ARID5B: variants seen among roughly 807,000 people sequenced by gnomAD.
ARID5B encodes AT-rich interaction domain 5B.
ARID5B carries 13 observed loss-of-function variants against 97.2 expected under a neutral mutation model. The ratio of observed to expected loss-of-function variants is 0.13; its 90% CI spans 0.09 to 0.21. The LOEUF (loss-of-function observed/expected upper bound fraction) is 0.21. ARID5B is among the 10% of genes least tolerant of loss of function. ARID5B has a pLI of 1.00. For synonymous variants in ARID5B, 556 were observed against 570.3 expected (o/e 0.97, Z 0.36); for missense variants, 1,210 against 1,465.3 (o/e 0.83, Z 2.84).
intron 3 of ARID5B, among the ~76,000 whole-genome samples, chr10:61,943,867 AT>A (rs3841641): frequency 1.4e-3 from 211 of 149,106 alleles, no homozygotes; most frequent in African/African-American, 4.3e-3. Flanking sequence ...CAACTCTTTC[AT>A]TTTTTTTTTA....
At chr10:61,955,743 T>C (rs1001363402) in intron 3 of ARID5B, among the ~76,000 whole-genome samples, 2 of 152,182 alleles carry the variant, frequency 1.3e-5, no homozygotes, top group African/African-American at 4.8e-5. Flanking sequence ...CTCCGGCTCC[T>C]GGGTTCAAGT....
At chr10:61,932,409 T>C (rs959126180) in intron 2 of ARID5B, among the ~76,000 whole-genome samples, 19 of 149,948 alleles carry the variant, frequency 1.3e-4, no homozygotes, top group African/African-American at 4.7e-4. Flanking sequence ...TTCTTTTTCT[T>C]TTTCTTTTTT....
intron 2 of ARID5B, among the ~76,000 whole-genome samples, chr10:61,913,475 T>C (rs988135413): frequency 6.6e-6 from 1 of 152,190 alleles, no homozygotes; most frequent in African/African-American, 2.4e-5. Context: ...CAGAAAAATC[T>C]TGGGCATGTC....
At position 62,075,505 on chromosome 10, in the gene ARID5B, C is replaced by T. The variant is rs867426975; in HGVS notation, c.1199+5708C>T. On this transcript the variant is annotated intron_variant, in intron 8 of 9. Coordinates refer to ENST00000279873, the MANE Select transcript of ARID5B (RefSeq NM_032199.3). ...TCTTACTCTGCTCTACACACTCTTC[C>T]GTGTGCTGAGCAAAACACCCTCTGT... 5.9e-5 allele frequency among the ~76,000 whole-genome samples: 9 copies of T among 152,202 alleles called. No individual in the cohort carries two copies. The South Asian group carries it at 6.2e-4, about 10-fold the overall frequency.
chr10:62,027,643 C>CT (rs1839439858), intron 4 of ARID5B, among the ~76,000 whole-genome samples: 2 of 151,974 alleles, frequency 1.3e-5, no homozygotes, highest in South Asian at 4.2e-4. Flanking sequence ...TGGTCCTTCC[C>CT]TTGTGCTTTG....
chr10:62,037,677 G>T (rs1405317450), intron 4 of ARID5B, among the ~76,000 whole-genome samples: 1 of 152,132 alleles, frequency 6.6e-6, no homozygotes, highest in Non-Finnish European at 1.5e-5. Context: ...TTTTCTTAAA[G>T]CTAAACAAGG....
chr10:61,943,500 G>A (rs1844450096), intron 3 of ARID5B, among the ~76,000 whole-genome samples: 1 of 148,378 alleles, frequency 6.7e-6, no homozygotes, highest in South Asian at 2.1e-4. Flanking sequence ...GTGGAAGTAA[G>A]CAAAGAACGG....
chr10:62,075,223 G>A (rs1324314157), intron 8 of ARID5B, among the ~76,000 whole-genome samples: 1 of 152,252 alleles, frequency 6.6e-6, no homozygotes, highest in East Asian at 1.9e-4. Context: ...GTAGGTAGAT[G>A]CCGTCTGTGC....
chr10:62,052,074 T>C (rs10761601), intron 5 of ARID5B, among the ~76,000 whole-genome samples: 149,323 of 152,302 alleles, frequency 0.98, 73,273 homozygotes, highest in East Asian at 1. Context: ...TTAGGAAATT[T>C]TAAGGACTTT....
At chr10:62,023,690 C>T (rs1198213167) in intron 4 of ARID5B, among the ~76,000 whole-genome samples, 3 of 152,124 alleles carry the variant, frequency 2.0e-5, no homozygotes, top group Middle Eastern at 3.4e-3. Flanking sequence ...AGACAAGTAG[C>T]GATGTGATAT....
At chr10:62,036,453 T>G (rs1219531491) in intron 4 of ARID5B, among the ~76,000 whole-genome samples, 1 of 152,158 alleles carries the variant, frequency 6.6e-6, no homozygotes, top group African/African-American at 2.4e-5. Flanking sequence ...CCTGATGGCT[T>G]TGCAAGTGTT....
At chr10:62,059,998 C>G (rs1839902254) in intron 7 of ARID5B, among the ~76,000 whole-genome samples, 1 of 152,144 alleles carries the variant, frequency 6.6e-6, no homozygotes, top group Admixed American at 6.6e-5. Context: ...GAGATGACAT[C>G]TGTAATATAA....
intron 7 of ARID5B, among the ~76,000 whole-genome samples, chr10:62,068,876 G>C (rs1444423694): frequency 1.3e-5 from 2 of 152,070 alleles, no homozygotes; most frequent in Non-Finnish European, 2.9e-5. Context: ...TAAAATTAAA[G>C]GAAAAAATTA....
intron 3 of ARID5B, among the ~76,000 whole-genome samples, chr10:61,970,371 T>C (rs143790672): frequency 6.6e-6 from 1 of 152,212 alleles, no homozygotes; most frequent in Non-Finnish European, 1.5e-5. Flanking sequence ...TGAATTCCAG[T>C]TGGGTAACAC....
chr10:61,952,676 A>C lies in ARID5B; in HGVS notation c.502+12268A>C, dbSNP rs145679663. On this transcript the variant is annotated intron_variant, in intron 3 of 9. Transcript: ENST00000279873. ...CACTCTCTAGTGGAGAGGCTGTTTCATTGGTACCCTGTAGAAGCAGCAGCT... is the reference window on the plus strand; with the variant it reads ...CACTCTCTAGTGGAGAGGCTGTTTCCTTGGTACCCTGTAGAAGCAGCAGCT... Among the ~76,000 whole-genome samples, 512 of 152,306 alleles carry C rather than the reference A, an allele frequency of 3.4e-3. 1 individual carries two copies. The highest frequency in any genetic ancestry group is 9.1e-3 in the South Asian group (44 of 4,830).
At chr10:61,908,984 C>T (rs560925023) in intron 2 of ARID5B, among the ~76,000 whole-genome samples, 2 of 152,026 alleles carry the variant, frequency 1.3e-5, no homozygotes, top group South Asian at 2.1e-4. Flanking sequence ...TTAATCTTTC[C>T]GGAAATTAGA....
chr10:62,021,420 T>G (rs1839355126), intron 4 of ARID5B, among the ~76,000 whole-genome samples: 1 of 152,164 alleles, frequency 6.6e-6, no homozygotes, highest in South Asian at 2.1e-4. Flanking sequence ...TATTTAGAAA[T>G]ATGGGAAAAT....
In ARID5B at chr10:62,011,845, G is replaced by A. The variant is rs1043297965; in HGVS notation, c.733+11524G>A. On this transcript the variant is annotated intron_variant, in intron 4 of 9. Transcript: ENST00000279873. ...AGTGAGACTCGGGCACCAGCTACTC[G>A]GCCTTTGCTCTTAATGCCATCCCCC... 1.1e-4 allele frequency among the ~76,000 whole-genome samples: 17 copies of A among 152,168 alleles called. No homozygotes were observed. The East Asian group carries it at 3.3e-3, about 29-fold the overall frequency.
chr10:61,968,425 A>G (rs1303605370), intron 3 of ARID5B, among the ~76,000 whole-genome samples: 1 of 151,504 alleles, frequency 6.6e-6, no homozygotes, highest in African/African-American at 2.4e-5. Flanking sequence ...ACTATTTCCA[A>G]ACTTAACTAA....
Sources: allele counts gnomAD v4.1 joint callset (sites outside exome capture counted in the v4.1 genomes callset), GRCh38; gene constraint gnomAD v4.1.1; transcripts MANE v1.5; gene names NCBI Gene and HGNC (gene_info 2026-07-23, HGNC 2026-07-21).